Variants in C12orf42 observed in about 807,000 individuals in gnomAD.
C12orf42 encodes the protein uncharacterized protein C12orf42.
C12orf42 carries 25 observed loss-of-function variants against 21.6 expected under a neutral mutation model. The observed-to-expected ratio is 1.16, with a 90% confidence interval of 0.84 to 1.62. C12orf42 has a LOEUF of 1.62. Ranked by LOEUF, C12orf42 falls within the 40% of genes most tolerant of loss-of-function variation. The pLI, the probability that C12orf42 is intolerant of heterozygous loss-of-function variation, is 0.00. For synonymous variants in C12orf42, 174 were observed against 175.0 expected (o/e 0.99, Z 0.05); for missense variants, 483 against 459.3 (o/e 1.05, Z -0.47).
the C12orf42 span, chr12:103,505,021 T>C: frequency 4.3e-6 from 1 of 235,112 alleles, no homozygotes; most frequent in Non-Finnish European, 9.5e-6. Context: ...TGTTCTGAGC[T>C]TAGGAAGGAA....
chr12:103,436,901 A>G (rs369083528), intron 2 of C12orf42, among the ~76,000 whole-genome samples: 2 of 148,580 alleles, frequency 1.3e-5, no homozygotes, highest in East Asian at 2.0e-4. Context: ...TGCACCAAGC[A>G]GACCTAATAG....
At chr12:103,558,681 C>T in the C12orf42 span, 1 of 152,294 alleles carries the variant, frequency 6.6e-6, no homozygotes, top group Middle Eastern at 3.4e-3. Context: ...TTCAAAAACA[C>T]ATAGACTCAG....
At chr12:103,402,709 A>T (rs2048108305) in intron 2 of C12orf42, among the ~76,000 whole-genome samples, 1 of 152,230 alleles carries the variant, frequency 6.6e-6, no homozygotes, top group South Asian at 2.1e-4. Context: ...AGGAATACAG[A>T]TTATGTAGAC....
chr12:103,082,421 T>C, the C12orf42 span, among the ~76,000 whole-genome samples: 4 of 152,250 alleles, frequency 2.6e-5, no homozygotes, highest in Admixed American at 6.5e-5. Flanking sequence ...TTCCCCCATT[T>C]CCTTACTTTG....
the C12orf42 span, among the ~76,000 whole-genome samples, chr12:103,068,789 T>C: frequency 2.0e-5 from 3 of 150,996 alleles, no homozygotes; most frequent in East Asian, 5.8e-4. Flanking sequence ...GGACTCAGGC[T>C]GGCTTCCTTG....
chr12:103,539,870 C>T, the C12orf42 span, among the ~76,000 whole-genome samples: 32,798 of 151,648 alleles, frequency 0.22, 3,910 homozygotes, highest in Non-Finnish European at 0.27. Flanking sequence ...TGAGCCAACG[C>T]GCTTGGCCTG....
the C12orf42 span, among the ~76,000 whole-genome samples, chr12:103,097,021 T>C: frequency 3.1e-4 from 47 of 152,338 alleles, no homozygotes; most frequent in Non-Finnish European, 5.6e-4. Context: ...TGTACTTTCC[T>C]CTCAATGTTG....
intron 3 of C12orf42, among the ~76,000 whole-genome samples, chr12:103,377,833 C>T (rs1422760140): frequency 6.6e-6 from 1 of 151,998 alleles, no homozygotes; most frequent in Non-Finnish European, 1.5e-5. Context: ...CCTGTGTAGA[C>T]TGAAGTTGGG....
chr12:103,275,364 G>T (rs1165367427), intron 5 of C12orf42, among the ~76,000 whole-genome samples: 1 of 151,824 alleles, frequency 6.6e-6, no homozygotes, highest in Non-Finnish European at 1.5e-5. Flanking sequence ...CATTAATTTT[G>T]GAAAAAATGT....
At chr12:103,489,201 G>A (rs2138167757) in intron 1 of C12orf42, among the ~76,000 whole-genome samples, 1 of 152,300 alleles carries the variant, frequency 6.6e-6, no homozygotes, top group Non-Finnish European at 1.5e-5. Flanking sequence ...CTAAAAGTCA[G>A]GTCCCTTAGC....
At chr12:103,112,115 T>C in the C12orf42 span, among the ~76,000 whole-genome samples, 1 of 152,150 alleles carries the variant, frequency 6.6e-6, no homozygotes, top group Non-Finnish European at 1.5e-5. Context: ...ATAGATGGGA[T>C]CCACAGGGTT....
At chr12:103,090,285 G>A in the C12orf42 span, among the ~76,000 whole-genome samples, 1 of 152,118 alleles carries the variant, frequency 6.6e-6, no homozygotes, top group African/African-American at 2.4e-5. Flanking sequence ...AATGGCTATG[G>A]CACCTTGTGA....
intron 10 of C12orf42, among the ~76,000 whole-genome samples, chr12:103,239,313 C>T (rs543797977): frequency 6.6e-6 from 1 of 152,256 alleles, no homozygotes; most frequent in African/African-American, 2.4e-5. Flanking sequence ...AACTCAAAGT[C>T]ATTAGGGTCC....
At chr12:103,436,783 T>TA (rs1950756537) in intron 2 of C12orf42, among the ~76,000 whole-genome samples, 1 of 152,084 alleles carries the variant, frequency 6.6e-6, no homozygotes. Flanking sequence ...CAAAGAGACT[T>TA]AGACTCCCAC....
downstream of C12orf42, among the ~76,000 whole-genome samples, chr12:103,264,425 G>A (rs574139981): frequency 1.2e-4 from 19 of 152,224 alleles, no homozygotes; most frequent in Non-Finnish European, 1.8e-4. Context: ...GAAACGAGCC[G>A]TCAACCAAGT....
At position 103,282,296 on chromosome 12, in the gene C12orf42, G is replaced by A. The variant is rs193096266; in HGVS notation, n.338-5086C>T. Among the ~76,000 whole-genome samples the A allele has an allele frequency of 2.4e-3, 364 of 152,298 alleles. 1 individual carries two copies. The highest frequency in any genetic ancestry group is 1.7e-3 in the Non-Finnish European group (118 of 68,024). On this transcript the variant is annotated intron_variant and non_coding_transcript_variant, in intron 4 of 6. Transcript: ENST00000546526. ...AGCAAGATGAGAGAGGAAGTGAAAT[G>A]GGAGAAATGCCAAGAATATAGTCAT...
At chr12:103,196,417 T>C in the C12orf42 span, among the ~76,000 whole-genome samples, 1 of 151,986 alleles carries the variant, frequency 6.6e-6, no homozygotes. Context: ...TCTGTTGTTG[T>C]TGGGCAGTAT....
chr12:103,410,147 T>G (rs1454206700), intron 2 of C12orf42, among the ~76,000 whole-genome samples: 1 of 152,156 alleles, frequency 6.6e-6, no homozygotes, highest in African/African-American at 2.4e-5. Context: ...CCCACTGTCA[T>G]CCAGTCAGTA....
downstream of C12orf42, among the ~76,000 whole-genome samples, chr12:103,301,097 C>A (rs550934557): frequency 1.3e-4 from 20 of 152,294 alleles, no homozygotes; most frequent in South Asian, 1.5e-3. Context: ...TTTCATTCCT[C>A]TCAAAACCTT....
Sources: allele counts gnomAD v4.1 joint callset (sites outside exome capture counted in the v4.1 genomes callset), GRCh38; gene constraint gnomAD v4.1.1; transcripts MANE v1.5; gene names NCBI Gene and HGNC (gene_info 2026-07-23, HGNC 2026-07-21).